Variants in CC2D2A observed in about 807,000 individuals in gnomAD.
CC2D2A encodes coiled-coil and C2 domain containing 2A.
In CC2D2A, 155 loss-of-function variants were observed where a neutral mutation model predicts 212.9. The observed-to-expected ratio is 0.73, with a 90% confidence interval of 0.64 to 0.83. The LOEUF (loss-of-function observed/expected upper bound fraction) is 0.83, where lower values mean the gene tolerates loss of function less well. Among genes scored for constraint, CC2D2A ranks in the 40% least tolerant of loss-of-function variants. The pLI is 0.00. For missense variants in CC2D2A, 1,856 were observed against 1,956.2 expected (o/e 0.95, Z 0.97); for synonymous variants, 667 against 686.5 (o/e 0.97, Z 0.44).
At chr4:15,566,594 AC>A (rs1448065763) in intron 24 of CC2D2A, among the ~76,000 whole-genome samples, 13 of 152,132 alleles carry the variant, frequency 8.5e-5, no homozygotes, top group Non-Finnish European at 1.5e-5. Context: ...ACCAGAGCAT[AC>A]TAAAAAGCCT....
chr4:15,487,462 C>T (rs993177473), intron 4 of CC2D2A, among the ~76,000 whole-genome samples: 4 of 152,008 alleles, frequency 2.6e-5, no homozygotes, highest in African/African-American at 9.7e-5. Context: ...TACAGCTACT[C>T]CTGCTCTTTT....
At chr4:15,511,923 A>G (rs550127468) in intron 8 of CC2D2A, among the ~76,000 whole-genome samples, 17 of 152,356 alleles carry the variant, frequency 1.1e-4, no homozygotes, top group African/African-American at 4.1e-4. Flanking sequence ...TTGAATAGAC[A>G]TTTCTTCAAA....
rs761730845 is a variant in CC2D2A at position 15,495,891 on chromosome 4, A to T, written c.248-6538A>T. Among the ~76,000 whole-genome samples the T allele has an allele frequency of 2.0e-5, 3 of 152,164 alleles. No individual in the cohort carries two copies. In the East Asian group the frequency reaches 5.8e-4, roughly 29 times the overall value. Reference sequence around the variant, plus strand: ...CCCTTTTCTCCTCAACTTTGCCAGCATCTGTTATTTTTTGACATTTTAATA... The same window carrying T: ...CCCTTTTCTCCTCAACTTTGCCAGCTTCTGTTATTTTTTGACATTTTAATA... On this transcript the variant is annotated intron_variant, in intron 4 of 36. Transcript: ENST00000424120.
chr4:15,510,375 A>G (rs931922233), intron 7 of CC2D2A, 135 bp downstream of exon 7: 22 of 701,952 alleles, frequency 3.1e-5, no homozygotes, highest in South Asian at 6.8e-5. Context: ...ACAGGCAGAT[A>G]TATTGAGCAC....
chr4:15,570,522 T>G (rs775029938), intron 28 of CC2D2A, 26 bp downstream of exon 28: 6 of 1,460,036 alleles, frequency 4.1e-6, no homozygotes, highest in Non-Finnish European at 4.8e-6. Context: ...TAGAGGTCCA[T>G]GAGAGCAGGG....
chr4:15,494,079 C>CAA (rs1401949113), intron 4 of CC2D2A, among the ~76,000 whole-genome samples: 1 of 152,168 alleles, frequency 6.6e-6, no homozygotes, highest in Non-Finnish European at 1.5e-5. Context: ...GGGGAAGACT[C>CAA]AATCCTAAGT....
chr4:15,514,638 A>G lies in CC2D2A; in HGVS notation c.718-69A>G. ...AAATGTTAAGTTTCATGAGTTTGGT[A>G]TTGTGAATTATTTTTCTAACTAAGA... On this transcript the variant is annotated intron_variant, in intron 8 of 36. Transcript: ENST00000424120. 3 of 1,200,966 alleles carry G rather than the reference A, an allele frequency of 2.5e-6. No individual in the cohort carries two copies. In the East Asian group the frequency reaches 7.4e-5, roughly 29 times the overall value. 74.4% of individuals were successfully genotyped at this position (1,200,966 alleles called of 1,614,324 possible).
intron 4 of CC2D2A, among the ~76,000 whole-genome samples, chr4:15,487,478 T>C (rs567923389): frequency 5.3e-5 from 8 of 152,240 alleles, no homozygotes; most frequent in African/African-American, 1.9e-4. Context: ...CTTTTTACAT[T>C]TCCATTGCAT....
In CC2D2A at chr4:15,587,865, T is replaced by G; in HGVS notation, c.4115T>G (p.Leu1372Trp). The G allele has an allele frequency of 6.2e-7, 1 of 1,613,714 alleles. No individual in the cohort carries two copies. The highest frequency in any genetic ancestry group is 1.1e-5 in the South Asian group (1 of 91,076). Residue 1372 changes from leucine to tryptophan, a missense_variant, in exon 32 of 37, where the codon TTG becomes TGG. Around this residue, in one of 5 missense-constraint regions of CC2D2A, gnomAD observed 36 missense variants for 35.5 expected, o/e 1.02. Coordinates refer to ENST00000424120, the MANE Select transcript of CC2D2A (RefSeq NM_001378615.1). ...AGDEEEHAVL[L>W]CNYFLSLGKK... The stretch of plus-strand genomic sequence containing the variant: ...GATGAAGAAGAACATGCAGTACTAT[T>G]GTGTAATTACTTTCTGTCTCTGGGT...
At chr4:15,545,279 T>C (rs976570758) in intron 17 of CC2D2A, among the ~76,000 whole-genome samples, 1 of 152,212 alleles carries the variant, frequency 6.6e-6, no homozygotes, top group African/African-American at 2.4e-5. Context: ...AAGCATAGTA[T>C]ATTTCAGAAA....
intron 13 of CC2D2A, 31 bp from the exon 14 acceptor site, chr4:15,533,162 A>G (rs963438932): frequency 6.5e-7 from 1 of 1,543,612 alleles, no homozygotes; most frequent in Non-Finnish European, 8.7e-7. Context: ...TGACTTTTTA[A>G]TATATACTCA....
At chr4:15,489,128 A>T (rs4140933) in intron 4 of CC2D2A, among the ~76,000 whole-genome samples, 70,489 of 152,092 alleles carry the variant, frequency 0.46, 16,983 homozygotes, top group African/African-American at 0.58. Flanking sequence ...GATTAAACCA[A>T]CATTTCAGAG....
At chr4:15,479,390 G>A in intron 3 of CC2D2A, 1 of 1,283,590 alleles carries the variant, frequency 7.8e-7, no homozygotes. Context: ...TATTGTGGAT[G>A]GGAGCTCTGC....
rs534878723 is a variant in CC2D2A, at chr4:15,479,812, A to C, written c.124-892A>C. 7.7e-4 allele frequency among the ~76,000 whole-genome samples: 117 copies of C among 152,330 alleles called. 1 individual carries two copies. Among genetic ancestry groups the C allele is most frequent in the African/African-American group, 2.7e-3 (112 of 41,566 alleles). ...GGTTCAAGCCTTTAGCTCCACAGTC[A>C]CAGGCACAGTGAGCAAGTGGGTGAC... On this transcript the variant is annotated intron_variant, in intron 3 of 36. Transcript: ENST00000424120.
At chr4:15,573,097 C>T (rs2109076778) in intron 28 of CC2D2A, among the ~76,000 whole-genome samples, 1 of 148,132 alleles carries the variant, frequency 6.8e-6, no homozygotes, top group Middle Eastern at 3.4e-3. Context: ...AGCACACTCA[C>T]AGACACACCC....
intron 18 of CC2D2A, among the ~76,000 whole-genome samples, chr4:15,552,835 C>G (rs1281495647): frequency 6.6e-6 from 1 of 152,196 alleles, no homozygotes; most frequent in East Asian, 1.9e-4. Context: ...AAAGAAGGTG[C>G]TATTTAGTAT....
At position 15,601,499 on chromosome 4, in the gene CC2D2A, C is replaced by A; in HGVS notation, c.*74C>A. 1.1e-6 allele frequency: 1 copy of A among 873,166 alleles called. No individual in the cohort carries two copies. The highest frequency in any genetic ancestry group is 1.7e-6 in the Non-Finnish European group (1 of 595,844). 54.1% of individuals were successfully genotyped at this position (873,166 alleles called of 1,614,324 possible). A position where few individuals can be genotyped will look rare whatever the true frequency, so the allele number is the denominator to read the frequency against. ...TGAGAAAATTTTAAATTATATGCAT[C>A]ACATCAGAAGAACATATTATTGGCA... On this transcript the variant is annotated 3_prime_UTR_variant, in exon 37 of 37. Transcript: ENST00000424120.
intron 20 of CC2D2A, among the ~76,000 whole-genome samples, chr4:15,555,963 T>G (rs1419563070): frequency 6.6e-6 from 1 of 152,214 alleles, no homozygotes; most frequent in Non-Finnish European, 1.5e-5. Flanking sequence ...TCATCACAAC[T>G]TAAAGCACTG....
chr4:15,554,946 TATG>T (rs1249493831), intron 19 of CC2D2A, 123 bp from the exon 20 acceptor site: 1 of 919,166 alleles, frequency 1.1e-6, no homozygotes, highest in African/African-American at 1.7e-5. Context: ...AATCCTTCCT[TATG>T]ATAACATTTT....
Sources: gnomAD v4.1 joint callset for allele counts (sites outside exome capture counted in the v4.1 genomes callset) on GRCh38, gnomAD v4.1.1 for gene constraint, gnomAD v4.1.1 regional missense constraint, MANE v1.5 for transcripts, NCBI Gene and HGNC (gene_info 2026-07-23, HGNC 2026-07-21) for gene names.